Variants in RIN2 observed in about 807,000 individuals in gnomAD.
The protein encoded by RIN2 is RAB5 interacting protein 2.
A neutral mutation model predicts 78.0 loss-of-function variants in RIN2; 36 were observed. The observed-to-expected ratio is 0.46, with a 90% CI of 0.35 to 0.61. The LOEUF (loss-of-function observed/expected upper bound fraction) is 0.61. Among genes scored for constraint, RIN2 ranks in the 20% least tolerant of loss-of-function variants. RIN2 has a pLI of 0.00. For synonymous variants in RIN2, 466 were observed against 466.8 expected, an observed-to-expected ratio of 1.00 and a Z score of 0.02; for missense variants, 1,087 against 1,159.7, an observed-to-expected ratio of 0.94 and a Z score of 0.91.
At chr20:19,840,475 C>G (rs1056727041) in intron 2 of RIN2, among the ~76,000 whole-genome samples, 2 of 152,182 alleles carry the variant, frequency 1.3e-5, no homozygotes, top group African/African-American at 4.8e-5. Context: ...AAAGCGCAAA[C>G]ACACATTGTC....
intron 1 of RIN2, among the ~76,000 whole-genome samples, chr20:19,764,560 A>G: frequency 6.6e-6 from 1 of 152,230 alleles, no homozygotes; most frequent in East Asian, 1.9e-4. Context: ...TTATCGCTTC[A>G]GCGATACACA....
chr20:19,788,201 C>G (rs960502744), intron 1 of RIN2, among the ~76,000 whole-genome samples: 1 of 152,048 alleles, frequency 6.6e-6, no homozygotes, highest in Non-Finnish European at 1.5e-5. Flanking sequence ...TCACTGTCAC[C>G]TTATAGCATC....
At chr20:19,773,297 T>C (rs984388550) in intron 1 of RIN2, among the ~76,000 whole-genome samples, 1 of 152,182 alleles carries the variant, frequency 6.6e-6, no homozygotes, top group Non-Finnish European at 1.5e-5. Context: ...TAAGGTAATA[T>C]CCAATGCTAG....
intron 3 of RIN2, among the ~76,000 whole-genome samples, chr20:19,903,480 G>A (rs2039078840): frequency 6.6e-6 from 1 of 152,208 alleles, no homozygotes; most frequent in African/African-American, 2.4e-5. Flanking sequence ...TCTACTTCCA[G>A]ATTCTAGGCT....
chr20:19,869,081 C>CAAAAA (rs11413677), intron 2 of RIN2, among the ~76,000 whole-genome samples: 6 of 76,304 alleles, frequency 7.9e-5, no homozygotes, highest in South Asian at 5.4e-4. Context: ...GACTCCGTCT[C>CAAAAA]AAAAAAAAAA....
chr20:19,967,874 A>G (rs1397860844), intron 7 of RIN2, among the ~76,000 whole-genome samples: 1 of 152,214 alleles, frequency 6.6e-6, no homozygotes, highest in Non-Finnish European at 1.5e-5. Context: ...TAAGCACCAT[A>G]CATACATATT....
chr20:19,834,589 G>A (rs2036348965), intron 2 of RIN2, among the ~76,000 whole-genome samples: 1 of 152,164 alleles, frequency 6.6e-6, no homozygotes, highest in Non-Finnish European at 1.5e-5. Context: ...GTGAAGGGAG[G>A]CACCTCATGG....
At chr20:19,829,970 C>A (rs899156058) in intron 2 of RIN2, among the ~76,000 whole-genome samples, 1 of 152,138 alleles carries the variant, frequency 6.6e-6, no homozygotes, top group African/African-American at 2.4e-5. Flanking sequence ...ATCCCAGCAG[C>A]AAGGAGGCCA....
At chr20:19,837,182 A>G (rs970798983) in intron 2 of RIN2, among the ~76,000 whole-genome samples, 5 of 149,706 alleles carry the variant, frequency 3.3e-5, no homozygotes, top group African/African-American at 7.5e-5. Context: ...ACACACACAC[A>G]CACACACACA....
intron 4 of RIN2, among the ~76,000 whole-genome samples, chr20:19,945,688 T>C (rs1466663653): frequency 6.6e-6 from 1 of 152,204 alleles, no homozygotes. Flanking sequence ...TTATCATTTT[T>C]TTTTTCACTA....
At chr20:19,801,455 G>A (rs578096041) in intron 2 of RIN2, among the ~76,000 whole-genome samples, 3 of 152,020 alleles carry the variant, frequency 2.0e-5, no homozygotes, top group Admixed American at 6.6e-5. Flanking sequence ...CGAGTAGCTG[G>A]GACTACAGGC....
intron 9 of RIN2, 105 bp from the exon 10 acceptor site, chr20:19,989,901 C>A: frequency 1.8e-6 from 2 of 1,139,090 alleles, no homozygotes; most frequent in Non-Finnish European, 2.4e-6. Context: ...AATTTGTGTG[C>A]CTGCAACCAA....
intron 3 of RIN2, chr20:19,934,720 C>G: frequency 1.7e-6 from 1 of 575,444 alleles, no homozygotes; most frequent in Non-Finnish European, 2.2e-6. Context: ...GAGGGTTTCC[C>G]TTGCCAAATG....
chr20:19,948,342 TCC>T (rs1317714783), intron 4 of RIN2, among the ~76,000 whole-genome samples: 3 of 152,198 alleles, frequency 2.0e-5, no homozygotes, highest in Non-Finnish European at 2.9e-5. Flanking sequence ...ACCAATCCCA[TCC>T]TAGCTGAATT....
At position 19,823,943 on chromosome 20, in the gene RIN2, T is replaced by A. The variant is rs530810772; in HGVS notation, c.-37+24196T>A. 6.1e-5 allele frequency: 92 copies of A among 1,513,166 alleles called. 1 individual carries two copies. The South Asian group carries it at 1.0e-3, about 17-fold the overall frequency. 93.7% of individuals were successfully genotyped at this position (1,513,166 alleles called of 1,614,324 possible). On this transcript the variant is annotated intron_variant, in intron 2 of 12. Transcript: ENST00000255006. ...TCGTTCGGGTCGAACTTCGGCAGCA[T>A]GGTGGAGGCAGCTGGTGTCGGATGA...
At chr20:19,840,746 G>A (rs780355619) in intron 2 of RIN2, among the ~76,000 whole-genome samples, 3 of 152,196 alleles carry the variant, frequency 2.0e-5, no homozygotes, top group Non-Finnish European at 2.9e-5. Context: ...CTGGGGACCC[G>A]TAGAGCATTT....
Position 19,875,712 on chromosome 20 carries a change from C to T in RIN2, c.-36-13854C>T, listed in dbSNP as rs117102968. Among the ~76,000 whole-genome samples the T allele has an allele frequency of 2.3e-3, 347 of 152,080 alleles. 2 individuals are homozygous for T. Among genetic ancestry groups the T allele is most frequent in the Non-Finnish European group, 3.9e-3 (262 of 68,016 alleles). ...GGCCTGCAGGATGGAATGAAACAGA[C>T]ACAGACAGTGGTGATGCAGACATTT... is the stretch of plus-strand genomic sequence containing the variant. On this transcript the variant is annotated intron_variant, in intron 2 of 12. Transcript: ENST00000255006.
chr20:19,990,899 A>G (rs1462127885), intron 10 of RIN2, among the ~76,000 whole-genome samples: 2 of 152,214 alleles, frequency 1.3e-5, no homozygotes, highest in African/African-American at 4.8e-5. Context: ...TCTTTGCTAC[A>G]AGCTGAAGCA....
intron 1 of RIN2, among the ~76,000 whole-genome samples, chr20:19,785,121 C>T (rs945883206): frequency 6.6e-6 from 1 of 152,158 alleles, no homozygotes; most frequent in Non-Finnish European, 1.5e-5. Context: ...ACGCTGTCCC[C>T]TGCCTACATC....
Sources: gnomAD v4.1 joint callset for allele counts (sites outside exome capture counted in the v4.1 genomes callset) on GRCh38, gnomAD v4.1.1 for gene constraint, MANE v1.5 for transcripts, NCBI Gene and HGNC (gene_info 2026-07-23, HGNC 2026-07-21) for gene names.